Variants in SDK1 observed in about 807,000 individuals in gnomAD.
The protein encoded by SDK1 is protein sidekick-1.
Under a neutral mutation model 245.5 loss-of-function variants are expected in SDK1, and 157 were observed. That is an observed-to-expected ratio of 0.64 (90% CI 0.56 to 0.73). The LOEUF is 0.73. Among genes scored for constraint, SDK1 ranks in the 30% least tolerant of loss-of-function variants. The pLI is 0.00. For missense variants in SDK1, 3,583 were observed against 3,002.3 expected, an observed-to-expected ratio of 1.19 and a Z score of -4.52; for synonymous variants, 1,647 against 1,278.5, an observed-to-expected ratio of 1.29 and a Z score of -6.15.
At chr7:3,878,816 G>A (rs964038320) in intron 5 of SDK1, among the ~76,000 whole-genome samples, 1 of 151,776 alleles carries the variant, frequency 6.6e-6, no homozygotes, top group Non-Finnish European at 1.5e-5. Flanking sequence ...CCTAATATCA[G>A]GGCAGCCCTG....
At chr7:4,081,506 T>G (rs28609201) in intron 22 of SDK1, among the ~76,000 whole-genome samples, 5,622 of 139,462 alleles carry the variant, frequency 0.04, 130 homozygotes, top group African/African-American at 0.066. Flanking sequence ...TGCAAGCTCT[T>G]CCTCCCAGGT....
intron 1 of SDK1, among the ~76,000 whole-genome samples, chr7:3,462,884 A>C (rs888158789): frequency 6.6e-5 from 10 of 152,136 alleles, no homozygotes; most frequent in Non-Finnish European, 1.2e-4. Flanking sequence ...AAGTGATATC[A>C]TGTTACCCCC....
intron 19 of SDK1, among the ~76,000 whole-genome samples, chr7:4,056,330 C>T (rs1779193131): frequency 6.6e-6 from 1 of 151,994 alleles, no homozygotes; most frequent in African/African-American, 2.4e-5. Flanking sequence ...AAGTTTGGAG[C>T]CTGAATGAGA....
chr7:4,172,684 C>G (rs536101789), intron 32 of SDK1, among the ~76,000 whole-genome samples: 1 of 152,288 alleles, frequency 6.6e-6, no homozygotes, highest in Admixed American at 6.5e-5. Context: ...AGTCCAAACT[C>G]AAGGTGTCGG....
At chr7:3,783,047 G>C (rs563674125) in intron 4 of SDK1, among the ~76,000 whole-genome samples, 7 of 152,088 alleles carry the variant, frequency 4.6e-5, no homozygotes, top group Admixed American at 4.6e-4. Flanking sequence ...TTTATTCTTC[G>C]ATACAAGGAT....
intron 4 of SDK1, among the ~76,000 whole-genome samples, chr7:3,728,476 A>G (rs766930753): frequency 3.3e-5 from 5 of 152,096 alleles, no homozygotes; most frequent in African/African-American, 4.8e-5. Context: ...ACATCTCACA[A>G]CTGTAGTCTT....
intron 1 of SDK1, among the ~76,000 whole-genome samples, chr7:3,536,321 C>G (rs1348534940): frequency 1.3e-5 from 2 of 151,996 alleles, no homozygotes; most frequent in African/African-American, 4.8e-5. Context: ...CTGCCTCAGC[C>G]TCCCAAAGTG....
chr7:4,071,930 G>A (rs1002684482), intron 20 of SDK1, among the ~76,000 whole-genome samples: 4 of 152,170 alleles, frequency 2.6e-5, no homozygotes, highest in African/African-American at 7.2e-5. Flanking sequence ...AGATACACAC[G>A]TTAGCCCCTG....
At chr7:4,119,291 A>T (rs1562837849) in intron 25 of SDK1, among the ~76,000 whole-genome samples, 1 of 147,988 alleles carries the variant, frequency 6.8e-6, no homozygotes, top group Non-Finnish European at 1.5e-5. Context: ...AAATAAAAAT[A>T]AAAACTATAG....
chr7:3,555,215 G>T lies in SDK1; in HGVS notation c.299-63865G>T, dbSNP rs553884597. 5.8e-4 allele frequency among the ~76,000 whole-genome samples: 88 copies of T among 152,198 alleles called. 2 individuals are homozygous for T. The South Asian group carries it at 0.018, about 31-fold the overall frequency. On this transcript the variant is annotated intron_variant, in intron 1 of 44. Transcript: ENST00000404826. ...GAGCTATAGTAACCAAAACAACATG[G>T]TATGGGCATAAAAATAGGCAAGTTG... is the stretch of plus-strand genomic sequence containing the variant.
At chr7:3,366,038 T>TC (rs1365069591) in intron 1 of SDK1, among the ~76,000 whole-genome samples, 6 of 92,578 alleles carry the variant, frequency 6.5e-5, no homozygotes, top group Non-Finnish European at 1.5e-4. Context: ...AAATTCTGTC[T>TC]CAAAAAAAAA....
chr7:4,016,990 G>A (rs1786452675), intron 16 of SDK1, among the ~76,000 whole-genome samples, 181 bp from the exon 17 acceptor site: 1 of 152,198 alleles, frequency 6.6e-6, no homozygotes, highest in South Asian at 2.1e-4. Flanking sequence ...ATCACTGTGA[G>A]ATTAGAGCAC....
intron 4 of SDK1, among the ~76,000 whole-genome samples, chr7:3,686,371 T>C (rs1336021893): frequency 6.6e-6 from 1 of 152,224 alleles, no homozygotes; most frequent in East Asian, 1.9e-4. Context: ...CCACCATGCC[T>C]GGCCAAGGCA....
At chr7:3,500,850 T>G (rs773385575) in intron 1 of SDK1, among the ~76,000 whole-genome samples, 1 of 152,110 alleles carries the variant, frequency 6.6e-6, no homozygotes, top group Non-Finnish European at 1.5e-5. Flanking sequence ...CATTTTACTT[T>G]CTGGGAGATT....
At chr7:3,980,532 T>C (rs918941919) in intron 13 of SDK1, among the ~76,000 whole-genome samples, 15 of 152,256 alleles carry the variant, frequency 9.9e-5, no homozygotes, top group African/African-American at 3.4e-4. Flanking sequence ...TCTATCCCCA[T>C]TAGATAAGAT....
At chr7:4,080,817 C>T (rs948747904) in intron 22 of SDK1, among the ~76,000 whole-genome samples, 3 of 151,960 alleles carry the variant, frequency 2.0e-5, no homozygotes, top group African/African-American at 7.3e-5. Context: ...TGTAACAAAC[C>T]TGCACATTGT....
chr7:3,353,997 T>A (rs74387995), intron 1 of SDK1, among the ~76,000 whole-genome samples: 5 of 147,126 alleles, frequency 3.4e-5, no homozygotes. Flanking sequence ...TTTCTTTTCT[T>A]TTTTTTTTTT....
Position 4,077,208 on chromosome 7 carries a change from G to T in SDK1, c.3202+19G>T, listed in dbSNP as rs115108058. On this transcript the variant is annotated intron_variant, in intron 21 of 44. Coordinates refer to ENST00000404826, the MANE Select transcript of SDK1 (RefSeq NM_152744.4). ...CCCCCAGGTCAGTAGAATCGTGTGC[G>T]GTCCTCCTGCTGTCACCTTTCTCTT... The T allele has an allele frequency of 5.7e-4, 911 of 1,609,472 alleles. 6 individuals are homozygous for T. In the African/African-American group the frequency reaches 0.011, roughly 19 times the overall value.
chr7:4,058,244 T>A (rs1367618711), intron 19 of SDK1, among the ~76,000 whole-genome samples: 1 of 152,202 alleles, frequency 6.6e-6, no homozygotes, highest in Non-Finnish European at 1.5e-5. Context: ...AACTAATTAA[T>A]TCATTGACTG....
Sources: gnomAD v4.1 joint callset for allele counts (sites outside exome capture counted in the v4.1 genomes callset) on GRCh38, gnomAD v4.1.1 for gene constraint, MANE v1.5 for transcripts, NCBI Gene and HGNC (gene_info 2026-07-23, HGNC 2026-07-21) for gene names.